Variants in RFC5 observed in about 807,000 individuals in gnomAD.
The protein encoded by RFC5 is replication factor C subunit 5, also known as A1 36 kDa subunit.
Under a neutral mutation model 44.3 loss-of-function variants are expected in RFC5, and 26 were observed. That is an observed-to-expected ratio of 0.59 (90% CI 0.43 to 0.81). RFC5 has a LOEUF of 0.81. RFC5 is among the 40% of genes least tolerant of loss of function. The probability of loss-of-function intolerance (pLI) is 0.00; values close to 1 mark genes in which losing one functional copy is unlikely to be tolerated. For synonymous variants in RFC5, 155 were observed against 155.2 expected, an observed-to-expected ratio of 1.00 and a Z score of 0.01; for missense variants, 328 against 418.6, an observed-to-expected ratio of 0.78 and a Z score of 1.89.
At chr12:118,037,697 A>C (rs566581135), downstream of RFC5, among the ~76,000 whole-genome samples, 1 of 152,078 alleles carries the variant, frequency 6.6e-6, no homozygotes, top group East Asian at 1.9e-4. Context: ...AGAAAAGAAA[A>C]GAAAACCCTC....
chr12:118,024,842 T>C lies in RFC5; in HGVS notation c.422-9T>C. 6.3e-7 allele frequency: 1 copy of C among 1,598,604 alleles called. No homozygotes were observed. Among genetic ancestry groups the C allele is most frequent in the Middle Eastern group, 1.7e-4 (1 of 5,994 alleles). ...TTTGACATGAGGTGGTTTTATTTTC[T>C]CTTACTAGTAATTGAGAAATTCACA... is the stretch of plus-strand genomic sequence containing the variant. On this transcript the variant is annotated splice_polypyrimidine_tract_variant and intron_variant, in intron 5 of 10. Coordinates refer to ENST00000454402, the MANE Select transcript of RFC5 (RefSeq NM_007370.7).
Position 118,025,757 on chromosome 12 carries a change from A to T in RFC5, c.592A>T (p.Ser198Cys). 1 of 1,604,386 alleles carries T rather than the reference A, an allele frequency of 6.2e-7. No individual in the cohort carries two copies. Among genetic ancestry groups the T allele is most frequent in the Non-Finnish European group, 8.5e-7 (1 of 1,172,388 alleles). ...GCTTATTTCTTTCAGAGTTGATATAAGTGAAGATGGAATGAAAGCACTAGT... is the reference window on the plus strand; with the variant it reads ...GCTTATTTCTTTCAGAGTTGATATATGTGAAGATGGAATGAAAGCACTAGT... ...HVVEEEKVDI[S>C]EDGMKALVTL... The change falls in exon 7 of 11, where the codon AGT becomes TGT. Residue 198 changes from serine to cysteine, a missense_variant. By Grantham distance (112) the Ser-to-Cys change is moderately radical. Coordinates refer to ENST00000454402, the MANE Select transcript of RFC5 (RefSeq NM_007370.7).
rs1035292351 is a variant in RFC5, at chr12:118,019,981, C to T, written c.267+213C>T. 3.9e-5 allele frequency among the ~76,000 whole-genome samples: 6 copies of T among 152,200 alleles called. No homozygotes were observed. Among genetic ancestry groups the T allele is most frequent in the African/African-American group, 1.4e-4 (6 of 41,444 alleles). On this transcript the variant is annotated intron_variant, in intron 3 of 10. Coordinates refer to ENST00000454402, the MANE Select transcript of RFC5 (RefSeq NM_007370.7). This position sits in a 1 kb window ranked among gnomAD's most constrained non-coding sequence, Gnocchi z 4.2. ...TAGAGGGCAGTTGTAGGGTTTGGCA[C>T]CTTTTTCTTTGCTCTTGCCAACTTC...
intron 1 of RFC5, among the ~76,000 whole-genome samples, 193 bp downstream of exon 1, chr12:118,017,085 G>A (rs1413478524): frequency 1.3e-5 from 2 of 152,096 alleles, no homozygotes; most frequent in Non-Finnish European, 2.9e-5. Context: ...TTCTGTTTAG[G>A]GCTTTTGCCA....
At chr12:118,026,383 G>T (rs1224654741) in intron 7 of RFC5, among the ~76,000 whole-genome samples, 1 of 152,058 alleles carries the variant, frequency 6.6e-6, no homozygotes, top group Non-Finnish European at 1.5e-5. Flanking sequence ...GAGGTGGATT[G>T]CCTGAGCCCA....
intron 1 of RFC5, chr12:118,018,176 A>T: frequency 1.7e-6 from 1 of 583,442 alleles, no homozygotes; most frequent in Non-Finnish European, 3.1e-6. Flanking sequence ...TGGCTGAATC[A>T]TATTCCATTG....
Position 118,019,286 on chromosome 12 carries a change from G to A in RFC5, c.130+150G>A. 2.9e-6 allele frequency: 2 copies of A among 691,132 alleles called. No individual in the cohort carries two copies. Among genetic ancestry groups the A allele is most frequent in the Middle Eastern group, 2.5e-4 (1 of 4,056 alleles). The allele number at this position is 691,132 out of a possible 1,614,324, so 42.8% of individuals were successfully genotyped here. ...AAGATCATTCATTCATTTTCTTCAG[G>A]TTGCTACAGTCCAGTGGGTAAGTCA... On this transcript the variant is annotated intron_variant, in intron 2 of 10. Transcript: ENST00000454402. The surrounding 1 kb of genome is among the most constrained non-coding windows in gnomAD (Gnocchi z 4.2).
chr12:118,021,677 C>A (rs2030502658), intron 4 of RFC5, among the ~76,000 whole-genome samples: 2 of 149,366 alleles, frequency 1.3e-5, no homozygotes, highest in South Asian at 4.2e-4. Flanking sequence ...AGGGTGAGGG[C>A]CGGGCGCAGT....
chr12:118,023,249 A>G (rs191503029), intron 5 of RFC5, among the ~76,000 whole-genome samples: 38 of 151,840 alleles, frequency 2.5e-4, no homozygotes, highest in Non-Finnish European at 2.5e-4. Context: ...GTCTGTCTTC[A>G]GGGGCCTAGC....
Position 118,025,809 on chromosome 12 carries a change from G to A in RFC5, c.644G>A (p.Arg215Lys). 1.9e-6 allele frequency: 3 copies of A among 1,600,966 alleles called. No individual in the cohort carries two copies. Among genetic ancestry groups the A allele is most frequent in the Non-Finnish European group, 2.6e-6 (3 of 1,169,892 alleles). ...ACTCTTTCCAGTGGAGACATGCGTA[G>A]GGCTCTGAACATTTTGCAGGTATGG... ...LVTLSSGDMR[R>K]ALNILQSTNM... is the part of the protein sequence containing the mutation. Residue 215 changes from arginine (R) to lysine (K), a missense_variant, in exon 7 of 11, where the codon AGG (arginine) becomes AAG (lysine). Physicochemically the swap from Arg to Lys is conservative, Grantham distance 26. Coordinates refer to ENST00000454402, the MANE Select transcript of RFC5 (RefSeq NM_007370.7).
Position 118,016,766 on chromosome 12 carries a change from CTG to C in RFC5, c.-59_-58del. The stretch of plus-strand genomic sequence containing the variant: ...CTCAGGGTCAGGTCGCGGCTGGTCA[CTG>C]TGCAGGCGCTTGGGTGACGCGACGA... On this transcript the variant is annotated 5_prime_UTR_variant, in exon 1 of 11. Transcript: ENST00000454402. 1 of 1,431,058 alleles carries C rather than the reference CTG, an allele frequency of 7.0e-7. No individual in the cohort carries two copies. The highest frequency in any genetic ancestry group is 1.9e-5 in the Admixed American group (1 of 52,108). The allele number at this position is 1,431,058 out of a possible 1,614,324, so 88.6% of individuals were successfully genotyped here. A position where few individuals can be genotyped will look rare whatever the true frequency, so the allele number is the denominator to read the frequency against.
At chr12:118,024,233 C>T (rs558125392) in intron 5 of RFC5, among the ~76,000 whole-genome samples, 2 of 151,186 alleles carry the variant, frequency 1.3e-5, no homozygotes, top group South Asian at 2.1e-4. Flanking sequence ...CCCAGCTACT[C>T]AGGAGGCTGA....
chr12:118,030,301 G>A (rs1035765077), intron 10 of RFC5, among the ~76,000 whole-genome samples: 1 of 152,174 alleles, frequency 6.6e-6, no homozygotes, highest in Non-Finnish European at 1.5e-5. Context: ...CAACATAGAC[G>A]TCAGCATAGG....
chr12:118,022,263 G>C (rs2030555902), intron 4 of RFC5, 23 bp from the exon 5 acceptor site: 3 of 1,595,092 alleles, frequency 1.9e-6, no homozygotes, highest in African/African-American at 2.7e-5. Flanking sequence ...GAAATCTTTA[G>C]ACAGCACCAT....
chr12:118,021,045 A>AAAAAATTAACCC, intron 4 of RFC5, 60 bp downstream of exon 4: 1 of 1,050,256 alleles, frequency 9.5e-7, no homozygotes, highest in Non-Finnish European at 1.5e-6. Flanking sequence ...GATATGGGTT[A>AAAAAATTAACCC]ATTTTTTAAT....
intron 8 of RFC5, among the ~76,000 whole-genome samples, chr12:118,027,561 A>T (rs1369955266): frequency 6.6e-6 from 1 of 151,336 alleles, no homozygotes; most frequent in East Asian, 1.9e-4. Flanking sequence ...AGTTCCAGCT[A>T]CTCGGGAGGC....
rs1168121166 is a variant in RFC5 at position 118,031,386 on chromosome 12, C to T, written c.*108C>T. 3.0e-6 allele frequency: 2 copies of T among 671,736 alleles called. No individual in the cohort carries two copies. Among genetic ancestry groups the T allele is most frequent in the South Asian group, 2.2e-5 (1 of 44,806 alleles). 41.6% of individuals were successfully genotyped at this position (671,736 alleles called of 1,614,324 possible). On this transcript the variant is annotated 3_prime_UTR_variant, in exon 11 of 11. Transcript: ENST00000454402. ...GGGCTGTGGGATGAATCAGTCACCC[C>T]GAATCTTGGAAAAACCCCCTTCCAG...
intron 10 of RFC5, 100 bp downstream of exon 10, chr12:118,029,925 T>C (rs1418954990): frequency 2.3e-6 from 2 of 876,082 alleles, no homozygotes; most frequent in Non-Finnish European, 3.9e-6. Context: ...TTTTCCTAAA[T>C]CGTTCACATA....
Position 118,019,489 on chromosome 12 carries a change from A to T in RFC5, c.131-143A>T, listed in dbSNP as rs773736105. The T allele has an allele frequency of 1.1e-5, 9 of 848,644 alleles. No homozygotes were observed. Among genetic ancestry groups the T allele is most frequent in the Middle Eastern group, 7.2e-4 (2 of 2,792 alleles). The allele number at this position is 848,644 out of a possible 1,614,324, so 52.6% of individuals were successfully genotyped here. On this transcript the variant is annotated intron_variant, in intron 2 of 10. Coordinates refer to ENST00000454402, the MANE Select transcript of RFC5 (RefSeq NM_007370.7). The surrounding 1 kb of genome is among the most constrained non-coding windows in gnomAD (Gnocchi z 4.2). ...TTCCAGTTGTTCCACGAAAGTAGAT[A>T]TGAGGCCCCTACATCAAGTTGTATC...
Sources: allele counts gnomAD v4.1 joint callset (sites outside exome capture counted in the v4.1 genomes callset), GRCh38; gene constraint gnomAD v4.1.1; non-coding constraint Gnocchi (gnomAD v3.1); transcripts MANE v1.5; gene names NCBI Gene and HGNC (gene_info 2026-07-23, HGNC 2026-07-21).